The following ABCA8 variants were observed in gnomAD, a reference collection of about 807,000 sequenced individuals.
ABCA8 encodes the protein ATP binding cassette subfamily A member 8.
ABCA8 carries 177 observed loss-of-function variants against 192.3 expected under a neutral mutation model. That is an observed-to-expected ratio of 0.92 (90% CI 0.81 to 1.04). ABCA8 has a LOEUF of 1.04. Among genes scored for constraint, ABCA8 ranks in the 50% least tolerant of loss-of-function variants. The pLI is 0.00. For missense variants in ABCA8, 1,915 were observed against 1,904.8 expected (o/e 1.01, Z -0.10); for synonymous variants, 642 against 690.2 (o/e 0.93, Z 1.09).
At chr17:68,884,643 C>T (rs899208022) in intron 27 of ABCA8, 1 of 1,196,874 alleles carries the variant, frequency 8.4e-7, no homozygotes, top group South Asian at 3.5e-5. Flanking sequence ...TCCGTGCTAA[C>T]CTCCCCAAAC....
intron 2 of ABCA8, chr17:68,944,727 G>C (rs896798830): frequency 6.6e-6 from 1 of 152,138 alleles, no homozygotes; most frequent in East Asian, 1.9e-4. Flanking sequence ...CTGGTAAAAA[G>C]CAACAGCCTG....
chr17:68,940,976 G>A lies in ABCA8; in HGVS notation c.97-14C>T, dbSNP rs762164887. Reference sequence around the variant, plus strand: ...ATTCAGCCATTCCTATATAATACAGGAAAAAAGATAAAGAAAAGTCTTATT... The same window carrying A: ...ATTCAGCCATTCCTATATAATACAGAAAAAAAGATAAAGAAAAGTCTTATT... On this transcript the variant is annotated splice_polypyrimidine_tract_variant and intron_variant, in intron 3 of 39. Transcript: ENST00000586539. 7 of 1,553,010 alleles carry A rather than the reference G, an allele frequency of 4.5e-6. No homozygotes were observed. The Admixed American group carries it at 5.4e-5, about 12-fold the overall frequency.
At chr17:68,884,000 TC>T (rs1330696486) in intron 28 of ABCA8, 118 bp from the exon 29 acceptor site, 3 of 706,870 alleles carry the variant, frequency 4.2e-6, no homozygotes, top group African/African-American at 1.9e-5. Flanking sequence ...AATTACAAAC[TC>T]CTAATAACCT....
chr17:68,903,587 TTCCGCG>T (rs2066973131), intron 19 of ABCA8, 88 bp from the exon 20 acceptor site: 1 of 1,204,002 alleles, frequency 8.3e-7, no homozygotes, highest in African/African-American at 1.5e-5. Context: ...GATTAGACTC[TTCCGCG>T]TTACTATAGG....
chr17:68,885,237 G>A lies in ABCA8; in HGVS notation c.3508C>T (p.Pro1170Ser). 3 of 1,613,618 alleles carry A rather than the reference G, an allele frequency of 1.9e-6. No homozygotes were observed. Among genetic ancestry groups the A allele is most frequent in the South Asian group, 2.2e-5 (2 of 91,004 alleles). The change falls in exon 27 of 40, where the codon CCA becomes TCA. Residue 1170 changes from proline to serine, a missense_variant. Transcript: ENST00000586539. ...DIPFIFTFLI[P>S]PATMIGCLFL... ...AAACAGCCAATCATTGTGGCAGGTG[G>A]TATTAAAAAAGTGAAGATAAATGGA...
chr17:68,915,342 C>A (rs1262266071), intron 17 of ABCA8, among the ~76,000 whole-genome samples: 3 of 151,994 alleles, frequency 2.0e-5, no homozygotes, highest in Non-Finnish European at 4.4e-5. Flanking sequence ...AGAGACAACT[C>A]ATAGAGTAGG....
At position 68,929,230 on chromosome 17, in the gene ABCA8, G is replaced by A. The variant is rs772840318; in HGVS notation, c.944C>T (p.Ala315Val). The change falls in exon 9 of 40, where the codon GCT becomes GTT. Residue 315 changes from alanine (A) to valine (V), a missense_variant. By Grantham distance (64) the Ala-to-Val change is moderately conservative. Coordinates refer to ENST00000586539, the MANE Select transcript of ABCA8 (RefSeq NM_001288985.2). ...LFLLYGLSLV[A>V]LAFLMSILVK... ...CAAGATGCTCATTAAGAAAGCCAAA[G>A]CTACCTAAAATGAGAGAAGATCTAG... 1 of 1,587,452 alleles carries A rather than the reference G, an allele frequency of 6.3e-7. No homozygotes were observed. Among genetic ancestry groups the A allele is most frequent in the Non-Finnish European group, 8.6e-7 (1 of 1,167,854 alleles).
In ABCA8 at chr17:68,941,297, C is replaced by T. The variant is rs181816881; in HGVS notation, c.97-335G>A. On this transcript the variant is annotated intron_variant, in intron 3 of 39. Coordinates refer to ENST00000586539, the MANE Select transcript of ABCA8 (RefSeq NM_001288985.2). ...TATAAATCCTGATCACATGCGAACT[C>T]CCAATAAGAAATCACTTTATTTCCA... Among the ~76,000 whole-genome samples the T allele has an allele frequency of 3.1e-3, 478 of 152,120 alleles. 3 individuals are homozygous for T. Among genetic ancestry groups the T allele is most frequent in the African/African-American group, 0.011 (464 of 41,524 alleles).
At chr17:68,875,152 A>G (rs765798562) in intron 37 of ABCA8, 108 bp downstream of exon 37, 1 of 1,473,856 alleles carries the variant, frequency 6.8e-7, no homozygotes, top group Non-Finnish European at 9.2e-7. Flanking sequence ...AGAATCCAAC[A>G]AATAATCTCT....
Position 68,868,443 on chromosome 17 carries a change from T to A in ABCA8, c.4712-87A>T, listed in dbSNP as rs576937819. On this transcript the variant is annotated intron_variant, in intron 38 of 39. Coordinates refer to ENST00000586539, the MANE Select transcript of ABCA8 (RefSeq NM_001288985.2). ...CATATAGTACAAATGATATATTTTT[T>A]AAAAATCTTAAATAGGTTAAGGTAA... 4.7e-4 allele frequency: 536 copies of A among 1,146,656 alleles called. 2 individuals carry two copies. Among genetic ancestry groups the A allele is most frequent in the South Asian group, 4.1e-3 (295 of 71,656 alleles). 71.0% of individuals were successfully genotyped at this position (1,146,656 alleles called of 1,614,324 possible).
chr17:68,948,768 G>T (rs1185438093), intron 2 of ABCA8, among the ~76,000 whole-genome samples: 3 of 152,064 alleles, frequency 2.0e-5, no homozygotes, highest in Non-Finnish European at 4.4e-5. Flanking sequence ...TGTCAATTTT[G>T]GCTTTTGTTG....
chr17:68,877,422 T>G, intron 33 of ABCA8, 97 bp downstream of exon 33: 1 of 1,208,576 alleles, frequency 8.3e-7, no homozygotes, highest in Non-Finnish European at 1.1e-6. Context: ...GGGTCAGCAT[T>G]TAGAGTCTCC....
chr17:68,927,899 A>C lies in ABCA8; in HGVS notation c.1273+17T>G, dbSNP rs761012852. On this transcript the variant is annotated intron_variant, in intron 10 of 39. Transcript: ENST00000586539. ...ACTATTTAAATGATATATGATTTTA[A>C]TCATATCATTACTCACTTGGCAAAA... 3.2e-6 allele frequency: 5 copies of C among 1,548,068 alleles called. No individual in the cohort carries two copies. Among genetic ancestry groups the C allele is most frequent in the Non-Finnish European group, 1.8e-6 (2 of 1,138,542 alleles).
intron 2 of ABCA8, among the ~76,000 whole-genome samples, chr17:68,944,359 T>C (rs1978959): frequency 0.19 from 12,967 of 69,248 alleles, 2,101 homozygotes; most frequent in South Asian, 0.34. Context: ...TATATATATA[T>C]ACACATATAC....
chr17:68,900,403 G>A (rs780169973), intron 21 of ABCA8, among the ~76,000 whole-genome samples: 1 of 151,798 alleles, frequency 6.6e-6, no homozygotes, highest in African/African-American at 2.4e-5. Flanking sequence ...AATATAAAAT[G>A]TAAGGAGACC....
chr17:68,903,291 T>C lies in ABCA8; in HGVS notation c.2597+10A>G. 2 of 1,613,822 alleles carry C rather than the reference T, an allele frequency of 1.2e-6. No homozygotes were observed. Among genetic ancestry groups the C allele is most frequent in the South Asian group, 2.2e-5 (2 of 91,020 alleles). On this transcript the variant is annotated intron_variant, in intron 20 of 39. Coordinates refer to ENST00000586539, the MANE Select transcript of ABCA8 (RefSeq NM_001288985.2). ...TTAAAAAGAAAACCTATGGCAACTCTGATACTTACAGTGCTAAAAGAGCTT... is the reference window on the plus strand; with the variant it reads ...TTAAAAAGAAAACCTATGGCAACTCCGATACTTACAGTGCTAAAAGAGCTT...
At chr17:68,876,768 A>T (rs2066218962) in intron 33 of ABCA8, 65 bp from the exon 34 acceptor site, 21 of 1,599,354 alleles carry the variant, frequency 1.3e-5, no homozygotes, top group Middle Eastern at 3.3e-4. Context: ...GGATAACCCA[A>T]GCAAGGGTGG....
intron 7 of ABCA8, among the ~76,000 whole-genome samples, chr17:68,931,147 G>C (rs2067860931): frequency 6.6e-6 from 1 of 152,018 alleles, no homozygotes; most frequent in Admixed American, 6.5e-5. Context: ...TCTCACCTCT[G>C]TCTGGCACAG....
At chr17:68,932,104 GGAGGCC>G in intron 7 of ABCA8, 178 bp downstream of exon 7, 3 of 454,346 alleles carry the variant, frequency 6.6e-6, no homozygotes, top group Non-Finnish European at 1.2e-5. Context: ...CAGCTACTTG[GGAGGCC>G]GAGGCAGGAG....
Sources: gnomAD v4.1 joint callset for allele counts (sites outside exome capture counted in the v4.1 genomes callset) on GRCh38, gnomAD v4.1.1 for gene constraint, MANE v1.5 for transcripts, NCBI Gene and HGNC (gene_info 2026-07-23, HGNC 2026-07-21) for gene names.